The following CLIC5 variants were observed in gnomAD, a reference collection of about 807,000 sequenced individuals.
The protein encoded by CLIC5 is CLIC family member 5.
A neutral mutation model predicts 24.7 loss-of-function variants in CLIC5; 20 were observed. That is an observed-to-expected ratio of 0.81 (90% CI 0.57 to 1.18). CLIC5 has a LOEUF of 1.18. Among genes scored for constraint, CLIC5 ranks in the 50% most tolerant of loss-of-function variants. The pLI, the probability that CLIC5 is intolerant of heterozygous loss-of-function variation, is 0.00. For synonymous variants in CLIC5, 159 were observed against 135.6 expected, an observed-to-expected ratio of 1.17 and a Z score of -1.20; for missense variants, 341 against 326.1, an observed-to-expected ratio of 1.05 and a Z score of -0.35.
rs1254435681 is a variant in CLIC5, at chr6:45,903,110, G to A, written c.734C>T (p.Ala245Val). 1 of 1,614,194 alleles carries A rather than the reference G, an allele frequency of 6.2e-7. No individual in the cohort carries two copies. The highest frequency in any genetic ancestry group is 1.1e-5 in the South Asian group (1 of 91,080). The stretch of plus-strand genomic sequence containing the variant: ...TGCTCAGGATCGGCTGAGGCGTTTG[G>A]CGACATCAGCGTAGGCCAACTCGAT... ...SEIELAYADV[A>V]KRLSRS is the part of the protein sequence containing the mutation. The change falls in exon 6 of 6, where the codon GCC (alanine) becomes GTC (valine). Residue 245 changes from alanine to valine, a missense_variant. Physicochemically the swap from Ala to Val is moderately conservative, Grantham distance 64. Coordinates refer to ENST00000339561, the MANE Select transcript of CLIC5 (RefSeq NM_016929.5).
intron 6 of CLIC5, among the ~76,000 whole-genome samples, chr6:45,886,938 G>A (rs1762310428): frequency 6.6e-6 from 1 of 152,222 alleles, no homozygotes; most frequent in East Asian, 1.9e-4. Flanking sequence ...TGTCCACTCA[G>A]TGCATAGGAT....
At chr6:46,104,398 T>C in the CLIC5 span, among the ~76,000 whole-genome samples, 1 of 152,124 alleles carries the variant, frequency 6.6e-6, no homozygotes, top group Admixed American at 6.6e-5. Flanking sequence ...ACAGTTTCTG[T>C]TCTGAACGTG....
At chr6:46,108,447 A>C in the CLIC5 span, among the ~76,000 whole-genome samples, 1 of 150,672 alleles carries the variant, frequency 6.6e-6, no homozygotes, top group Admixed American at 6.6e-5. Flanking sequence ...CCCAGGCTGG[A>C]GTGCAATGGT....
chr6:45,975,156 A>G (rs1765344960), intron 1 of CLIC5, among the ~76,000 whole-genome samples: 1 of 152,158 alleles, frequency 6.6e-6, no homozygotes, highest in Non-Finnish European at 1.5e-5. Context: ...GGGTCCCTTT[A>G]CTTGTGCCTC....
intron 1 of CLIC5, among the ~76,000 whole-genome samples, chr6:46,043,655 G>A (rs13190980): frequency 0.063 from 9,585 of 152,284 alleles, 426 homozygotes; most frequent in Middle Eastern, 0.14. Context: ...CCACTTCAGA[G>A]TACAGTTCAG....
At chr6:46,121,584 T>C in the CLIC5 span, among the ~76,000 whole-genome samples, 4 of 152,152 alleles carry the variant, frequency 2.6e-5, no homozygotes, top group Non-Finnish European at 4.4e-5. Context: ...CATAACAATA[T>C]GAACCTTAAA....
intron 2 of CLIC5, among the ~76,000 whole-genome samples, chr6:45,950,638 T>C (rs544983387): frequency 6.6e-6 from 1 of 152,232 alleles, no homozygotes; most frequent in African/African-American, 2.4e-5. Context: ...GCTGCAAAAG[T>C]AGAAATCAAA....
chr6:46,129,253 C>T, the CLIC5 span, among the ~76,000 whole-genome samples: 1 of 152,184 alleles, frequency 6.6e-6, no homozygotes, highest in East Asian at 1.9e-4. Context: ...AAAAAAGATG[C>T]TATCCTCTCA....
intron 1 of CLIC5, among the ~76,000 whole-genome samples, chr6:46,072,954 T>C (rs1762654972): frequency 6.6e-6 from 1 of 152,182 alleles, no homozygotes; most frequent in South Asian, 2.1e-4. Context: ...TATGAATATA[T>C]TCCCAGGCTA....
intron 1 of CLIC5, among the ~76,000 whole-genome samples, chr6:46,036,175 A>G (rs1470418399): frequency 2.0e-5 from 3 of 151,764 alleles, no homozygotes; most frequent in African/African-American, 4.8e-5. Context: ...GATCGCTCCT[A>G]TTGTTTCATT....
At chr6:46,016,414 G>T (rs1330958792), upstream of CLIC5, among the ~76,000 whole-genome samples, 1 of 152,172 alleles carries the variant, frequency 6.6e-6, no homozygotes, top group African/African-American at 2.4e-5. Flanking sequence ...AGGGTGCTGG[G>T]GACGGGCAGG....
At chr6:46,079,623 C>T in intron 1 of CLIC5, 1 of 1,213,076 alleles carries the variant, frequency 8.2e-7, no homozygotes, top group Non-Finnish European at 1.2e-6. Flanking sequence ...ATGAATCTTT[C>T]CCTGGTCATT....
At chr6:45,953,161 C>T (rs977623112) in intron 2 of CLIC5, among the ~76,000 whole-genome samples, 6 of 152,086 alleles carry the variant, frequency 3.9e-5, no homozygotes, top group African/African-American at 1.4e-4. Context: ...GGGCGAGTCT[C>T]ATATATATCT....
At chr6:45,924,395 G>A (rs1763395067) in intron 4 of CLIC5, among the ~76,000 whole-genome samples, 3 of 152,274 alleles carry the variant, frequency 2.0e-5, no homozygotes, top group Middle Eastern at 3.4e-3. Context: ...CTTGCTCAGA[G>A]CAGTTCCCTG....
At chr6:45,962,758 C>T (rs1051777357) in intron 1 of CLIC5, among the ~76,000 whole-genome samples, 8 of 152,188 alleles carry the variant, frequency 5.3e-5, no homozygotes, top group South Asian at 4.1e-4. Context: ...CCTTGGTTTA[C>T]GCCTCTAAGT....
chr6:45,943,097 T>C (rs1764186662), intron 3 of CLIC5, among the ~76,000 whole-genome samples: 1 of 152,252 alleles, frequency 6.6e-6, no homozygotes, highest in Non-Finnish European at 1.5e-5. Context: ...AGAACAACTC[T>C]ATTGGTACTA....
At chr6:45,910,800 G>A (rs1474030488) in intron 5 of CLIC5, among the ~76,000 whole-genome samples, 2 of 152,194 alleles carry the variant, frequency 1.3e-5, no homozygotes, top group Admixed American at 1.3e-4. Context: ...ATCCTGTTAG[G>A]TTCTGCCAAG....
intron 1 of CLIC5, among the ~76,000 whole-genome samples, chr6:46,033,180 G>A (rs1224940392): frequency 1.3e-5 from 2 of 151,500 alleles, no homozygotes; most frequent in Non-Finnish European, 2.9e-5. Flanking sequence ...GTACCGACAG[G>A]GTTTCACCAT....
In CLIC5 at chr6:46,007,915, C is replaced by CTT. The variant is rs11411756; in HGVS notation, c.63+7563_63+7564dup. Among the ~76,000 whole-genome samples the CTT allele has an allele frequency of 8.3e-4, 115 of 139,266 alleles. 1 individual carries two copies. The highest frequency in any genetic ancestry group is 1.5e-3 in the Non-Finnish European group (95 of 65,012). 91.4% of individuals were successfully genotyped at this position (139,266 alleles called of 152,430 possible). A position where few individuals can be genotyped will look rare whatever the true frequency, so the allele number is the denominator to read the frequency against. On this transcript the variant is annotated intron_variant, in intron 1 of 5. Transcript: ENST00000339561. ...GTTTTTTCCTGTTTTTTTTCTTTTT[C>CTT]TTTTTTTTTTTTTCCCGATTTTCAT... is the stretch of plus-strand genomic sequence containing the variant.
Sources: gnomAD v4.1 joint callset for allele counts (sites outside exome capture counted in the v4.1 genomes callset) on GRCh38, gnomAD v4.1.1 for gene constraint, MANE v1.5 for transcripts, NCBI Gene and HGNC (gene_info 2026-07-23, HGNC 2026-07-21) for gene names.